Variants in BCAS3 observed in about 807,000 individuals in gnomAD.
BCAS3 encodes the protein BCAS4/BCAS3 fusion.
BCAS3 carries 53 observed loss-of-function variants against 116.1 expected under a neutral mutation model. The ratio of observed to expected loss-of-function variants is 0.46; its 90% CI spans 0.37 to 0.57. BCAS3 has a LOEUF of 0.57. BCAS3 is among the 20% of genes least tolerant of loss of function. The pLI is 0.00. For missense variants in BCAS3, 917 were observed against 1,165.4 expected (o/e 0.79, Z 3.10); for synonymous variants, 391 against 408.2 (o/e 0.96, Z 0.51).
At chr17:61,237,292 C>G (rs1411935001) in intron 22 of BCAS3, among the ~76,000 whole-genome samples, 3 of 152,184 alleles carry the variant, frequency 2.0e-5, no homozygotes, top group Non-Finnish European at 4.4e-5. Context: ...GCACACCAAT[C>G]AGTGCTCTGT....
At chr17:61,270,874 C>T (rs2050180600) in intron 22 of BCAS3, among the ~76,000 whole-genome samples, 1 of 152,098 alleles carries the variant, frequency 6.6e-6, no homozygotes, top group Admixed American at 6.6e-5. Context: ...ATTCTCCTGC[C>T]TCAGCCTCCC....
chr17:61,388,357 C>T lies in BCAS3; in HGVS notation c.2594-3620C>T, dbSNP rs1375390280. 1.6e-5 allele frequency: 7 copies of T among 435,820 alleles called. No homozygotes were observed. Among genetic ancestry groups the T allele is most frequent in the Non-Finnish European group, 2.9e-5 (7 of 240,190 alleles). The allele number at this position is 435,820 out of a possible 1,614,324, so 27.0% of individuals were successfully genotyped here. On this transcript the variant is annotated intron_variant, in intron 23 of 23. Transcript: ENST00000407086. The surrounding 1 kb of genome is among the most constrained non-coding windows in gnomAD (Gnocchi z 6.5). Reference sequence around the variant, plus strand: ...ACTGTTCTTCATGTTGAACCTGTGACTCCTCTCCCCCTCCCCCACTCTGAA... The same window carrying T: ...ACTGTTCTTCATGTTGAACCTGTGATTCCTCTCCCCCTCCCCCACTCTGAA...
At position 60,732,066 on chromosome 17, in the gene BCAS3, C is replaced by T. The variant is rs961158163; in HGVS notation, c.322-15132C>T. 3.2e-4 allele frequency among the ~76,000 whole-genome samples: 49 copies of T among 152,086 alleles called. 1 individual carries two copies. Among genetic ancestry groups the T allele is most frequent in the South Asian group, 1.0e-3 (5 of 4,830 alleles). On this transcript the variant is annotated intron_variant, in intron 5 of 23. Transcript: ENST00000407086. ...CTGGGATTATAGGTGTGAGCCACCGCGCCCGGCCAGCCCTCCTATTTTCAA... is the reference window on the plus strand; with the variant it reads ...CTGGGATTATAGGTGTGAGCCACCGTGCCCGGCCAGCCCTCCTATTTTCAA...
chr17:61,383,745 G>A (rs1272382205), intron 23 of BCAS3: 2 of 152,254 alleles, frequency 1.3e-5, no homozygotes, highest in Non-Finnish European at 2.9e-5. Context: ...TGGAAAAGGG[G>A]AAAGCCACAT....
rs1478114517 is a variant in BCAS3, at chr17:61,258,008, T to C, written c.2426-110319T>C. 6.6e-6 allele frequency among the ~76,000 whole-genome samples: 1 copy of C among 152,240 alleles called. No homozygotes were observed. Among genetic ancestry groups the C allele is most frequent in the African/African-American group, 2.4e-5 (1 of 41,472 alleles). ...TCCTCTCTTGAGCATAGATTTTCTC[T>C]TCCCACCTTATTATTTTTGTGCACA... is the stretch of plus-strand genomic sequence containing the variant. On this transcript the variant is annotated intron_variant, in intron 22 of 23. Coordinates refer to ENST00000407086, the MANE Select transcript of BCAS3 (RefSeq NM_017679.5). This position sits in a 1 kb window ranked among gnomAD's most constrained non-coding sequence, Gnocchi z 4.7.
chr17:60,864,821 C>T (rs1221043418), intron 7 of BCAS3, among the ~76,000 whole-genome samples: 1 of 152,130 alleles, frequency 6.6e-6, no homozygotes, highest in East Asian at 1.9e-4. Flanking sequence ...TTCAAATGAA[C>T]ACTTAGAGGC....
intron 6 of BCAS3, among the ~76,000 whole-genome samples, chr17:60,772,874 G>GA (rs939845540): frequency 7.3e-5 from 11 of 150,136 alleles, no homozygotes; most frequent in South Asian, 2.1e-4. Context: ...CTCAGTCTCA[G>GA]AAAAAAAAAG....
In BCAS3 at chr17:61,315,713, C is replaced by T. The variant is rs2059440219; in HGVS notation, c.2426-52614C>T. ...GGCTGACTGACCCCCCGTTTCATGCCCCACGCCTTTGCTGGTACTGGTCCC... is the reference window on the plus strand; with the variant it reads ...GGCTGACTGACCCCCCGTTTCATGCTCCACGCCTTTGCTGGTACTGGTCCC... On this transcript the variant is annotated intron_variant, in intron 22 of 23. Coordinates refer to ENST00000407086, the MANE Select transcript of BCAS3 (RefSeq NM_017679.5). This position sits in a 1 kb window ranked among gnomAD's most constrained non-coding sequence, Gnocchi z 5.3. 6.6e-6 allele frequency among the ~76,000 whole-genome samples: 1 copy of T among 152,128 alleles called. No homozygotes were observed. The highest frequency in any genetic ancestry group is 1.5e-5 in the Non-Finnish European group (1 of 68,016).
In BCAS3 at chr17:61,083,775, T is replaced by C. The variant is rs1224991044; in HGVS notation, c.2328-692T>C. ...CACACCCGGCTAATTTTTGCATTTTTAGTAGAGACGGGGCTTCACCGTGTT... is the reference window on the plus strand; with the variant it reads ...CACACCCGGCTAATTTTTGCATTTTCAGTAGAGACGGGGCTTCACCGTGTT... On this transcript the variant is annotated intron_variant, in intron 21 of 23. Transcript: ENST00000407086. The surrounding 1 kb of genome is among the most constrained non-coding windows in gnomAD (Gnocchi z 4.9). Among the ~76,000 whole-genome samples, 2 of 152,072 alleles carry C rather than the reference T, an allele frequency of 1.3e-5. No homozygotes were observed. The highest frequency in any genetic ancestry group is 2.9e-5 in the Non-Finnish European group (2 of 68,020).
intron 19 of BCAS3, among the ~76,000 whole-genome samples, chr17:61,042,941 G>A (rs1164706620): frequency 6.8e-6 from 1 of 147,738 alleles, no homozygotes; most frequent in Non-Finnish European, 1.5e-5. Context: ...CACTCTGGCA[G>A]CACTGCAGCA....
rs1018970265 is a variant in BCAS3 at position 61,068,872 on chromosome 17, T to C, written c.2030-6048T>C. Among the ~76,000 whole-genome samples, 37 of 152,118 alleles carry C rather than the reference T, an allele frequency of 2.4e-4. No individual in the cohort carries two copies. The highest frequency in any genetic ancestry group is 8.9e-4 in the African/African-American group (37 of 41,592). On this transcript the variant is annotated intron_variant, in intron 19 of 23. Coordinates refer to ENST00000407086, the MANE Select transcript of BCAS3 (RefSeq NM_017679.5). The surrounding 1 kb of genome is among the most constrained non-coding windows in gnomAD (Gnocchi z 4.3). ...TTCTTTTTATCAAGGTTGTAAATTCTTTTTTCCATGTGAACAGGTATGTCA... is the reference window on the plus strand; with the variant it reads ...TTCTTTTTATCAAGGTTGTAAATTCCTTTTTCCATGTGAACAGGTATGTCA...
chr17:60,719,330 G>A (rs957829093), intron 5 of BCAS3, among the ~76,000 whole-genome samples: 5 of 152,166 alleles, frequency 3.3e-5, no homozygotes, highest in African/African-American at 1.2e-4. Flanking sequence ...ATTCGCCAGT[G>A]CACACTATCC....
chr17:60,719,873 C>T (rs981849677), intron 5 of BCAS3, among the ~76,000 whole-genome samples: 8 of 152,108 alleles, frequency 5.3e-5, no homozygotes, highest in Non-Finnish European at 7.4e-5. Flanking sequence ...AGTGGTTAGA[C>T]GTTTAGAAGA....
rs1023727396 is a variant in BCAS3, at chr17:60,956,854, G to A, written c.1221+9502G>A. Among the ~76,000 whole-genome samples, 10 of 152,110 alleles carry A rather than the reference G, an allele frequency of 6.6e-5. No individual in the cohort carries two copies. The highest frequency in any genetic ancestry group is 1.0e-4 in the Non-Finnish European group (7 of 68,002). On this transcript the variant is annotated intron_variant, in intron 14 of 23. Coordinates refer to ENST00000407086, the MANE Select transcript of BCAS3 (RefSeq NM_017679.5). The surrounding 1 kb of genome is among the most constrained non-coding windows in gnomAD (Gnocchi z 4.2). ...TGATATATAAAATTTAACACCAGTC[G>A]TGAAATCTATATGTCACATGATCTG... is the stretch of plus-strand genomic sequence containing the variant.
At chr17:60,775,851 G>T (rs1490743100) in intron 6 of BCAS3, among the ~76,000 whole-genome samples, 4 of 152,094 alleles carry the variant, frequency 2.6e-5, no homozygotes, top group Non-Finnish European at 5.9e-5. Context: ...TATGGATGAG[G>T]GGGTCATAGG....
At chr17:61,218,918 A>T (rs2081956064) in intron 22 of BCAS3, among the ~76,000 whole-genome samples, 1 of 152,218 alleles carries the variant, frequency 6.6e-6, no homozygotes, top group Admixed American at 6.5e-5. Flanking sequence ...AGAAAGAGCT[A>T]CTAAATGGAA....
intron 14 of BCAS3, among the ~76,000 whole-genome samples, chr17:60,985,141 C>CTTTTTT (rs560277871): frequency 1.7e-5 from 2 of 120,356 alleles, no homozygotes; most frequent in South Asian, 2.7e-4. Flanking sequence ...CAACTGTATT[C>CTTTTTT]TTTTTTTTTT....
At chr17:60,977,221 A>G (rs906546765) in intron 14 of BCAS3, among the ~76,000 whole-genome samples, 4 of 152,142 alleles carry the variant, frequency 2.6e-5, no homozygotes, top group Non-Finnish European at 5.9e-5. Flanking sequence ...TATGCATTGC[A>G]CAGGCTGGAG....
chr17:61,130,522 G>A lies in BCAS3; in HGVS notation c.2425+45958G>A, dbSNP rs1601469212. The stretch of plus-strand genomic sequence containing the variant: ...TGCCACCTCCCCCAGTTTATGTTAC[G>A]TAATATGGTGAGAATCTTCTTCCTC... On this transcript the variant is annotated intron_variant, in intron 22 of 23. Transcript: ENST00000407086. The surrounding 1 kb of genome is among the most constrained non-coding windows in gnomAD (Gnocchi z 5.0). Among the ~76,000 whole-genome samples the A allele has an allele frequency of 2.0e-5, 3 of 152,206 alleles. No homozygotes were observed. The highest frequency in any genetic ancestry group is 1.9e-4 in the East Asian group (1 of 5,172).
Sources: allele counts gnomAD v4.1 joint callset (sites outside exome capture counted in the v4.1 genomes callset), GRCh38; gene constraint gnomAD v4.1.1; non-coding constraint Gnocchi (gnomAD v3.1); transcripts MANE v1.5; gene names NCBI Gene and HGNC (gene_info 2026-07-23, HGNC 2026-07-21).